The following AHR variants were observed in gnomAD, a reference collection of about 807,000 sequenced individuals.
The protein encoded by AHR is AH-receptor.
AHR carries 40 observed loss-of-function variants against 86.8 expected under a neutral mutation model. The ratio of observed to expected loss-of-function variants is 0.46; its 90% CI spans 0.36 to 0.60. The LOEUF (loss-of-function observed/expected upper bound fraction) is 0.60. Among genes scored for constraint, AHR ranks in the 20% least tolerant of loss-of-function variants. The probability of loss-of-function intolerance (pLI) is 0.00; values close to 1 mark genes in which losing one functional copy is unlikely to be tolerated. For synonymous variants in AHR, 398 were observed against 354.9 expected (o/e 1.12, Z -1.37); for missense variants, 1,001 against 1,011.6 (o/e 0.99, Z 0.14).
chr7:17,332,787 T>G (rs1419818757), intron 6 of AHR, among the ~76,000 whole-genome samples: 1 of 151,834 alleles, frequency 6.6e-6, no homozygotes, highest in Non-Finnish European at 1.5e-5. Context: ...TTTTATAAAT[T>G]CAGCGTAGCC....
intron 1 of AHR, among the ~76,000 whole-genome samples, chr7:17,300,533 G>C (rs713150): frequency 0.78 from 119,133 of 152,102 alleles, 46,931 homozygotes; most frequent in African/African-American, 0.86. Context: ...TTCTTCAGAA[G>C]TATACTTATG....
chr7:17,315,811 T>C (rs915305265), intron 2 of AHR, among the ~76,000 whole-genome samples: 4 of 152,008 alleles, frequency 2.6e-5, no homozygotes, highest in Non-Finnish European at 4.4e-5. Context: ...ATTTGTATAT[T>C]ATTTTTAAAT....
At chr7:17,315,298 AAATT>A in intron 2 of AHR, among the ~76,000 whole-genome samples, 1 of 151,886 alleles carries the variant, frequency 6.6e-6, no homozygotes, top group East Asian at 1.9e-4. Flanking sequence ...TTATATGAAT[AAATT>A]AATATGATAG....
At chr7:17,334,371 A>C (rs935628491) in intron 7 of AHR, among the ~76,000 whole-genome samples, 2 of 151,934 alleles carry the variant, frequency 1.3e-5, no homozygotes, top group African/African-American at 4.8e-5. Context: ...GATGACATTT[A>C]TGTTGGTTTG....
intron 9 of AHR, among the ~76,000 whole-genome samples, chr7:17,336,969 TA>T (rs966533782): frequency 1.3e-5 from 2 of 152,168 alleles, no homozygotes; most frequent in African/African-American, 4.8e-5. Context: ...TTGCAACTTT[TA>T]AAAAATATAT....
At chr7:17,307,551 A>G (rs1028059825) in intron 1 of AHR, among the ~76,000 whole-genome samples, 1 of 152,150 alleles carries the variant, frequency 6.6e-6, no homozygotes, top group Admixed American at 6.5e-5. Flanking sequence ...GGTAGAATAG[A>G]CAAAAGCGGC....
At chr7:17,334,760 G>A in intron 7 of AHR, 127 bp from the exon 8 acceptor site, 1 of 624,266 alleles carries the variant, frequency 1.6e-6, no homozygotes, top group Non-Finnish European at 2.7e-6. Context: ...ATCTACTTAT[G>A]TGAAATTCTA....
chr7:17,305,683 G>A (rs1324276750), intron 1 of AHR, among the ~76,000 whole-genome samples: 4 of 152,056 alleles, frequency 2.6e-5, no homozygotes, highest in East Asian at 1.9e-4. Flanking sequence ...GTTAAAAAAC[G>A]TCACTTTGAT....
At chr7:17,302,681 C>G (rs1010842169) in intron 1 of AHR, among the ~76,000 whole-genome samples, 1 of 151,624 alleles carries the variant, frequency 6.6e-6, no homozygotes, top group Non-Finnish European at 1.5e-5. Flanking sequence ...ATTGAAAGCA[C>G]TGGATCTAAA....
Position 17,339,002 on chromosome 7 carries a change from G to C in AHR, c.1177G>C (p.Glu393Gln). ...QRPLTDEEGT[E>Q]HLRKRNTKLP... ...CAATTTTAGAGATGAGGAAGGAACA[G>C]AGCATTTACGAAAACGAAATACGAA... Residue 393 changes from glutamate (E) to glutamine (Q), a missense_variant, in exon 10 of 11, where the codon GAG becomes CAG. By Grantham distance (29) the Glu-to-Gln change is conservative. Transcript: ENST00000242057. 9.3e-6 allele frequency: 15 copies of C among 1,613,424 alleles called. No homozygotes were observed. Among genetic ancestry groups the C allele is most frequent in the Non-Finnish European group, 1.2e-5 (14 of 1,179,568 alleles).
intron 6 of AHR, among the ~76,000 whole-genome samples, chr7:17,331,455 T>C (rs1157713762): frequency 6.6e-6 from 1 of 151,938 alleles, no homozygotes; most frequent in African/African-American, 2.4e-5. Context: ...CTTTAGGATA[T>C]AGTAACAAAA....
chr7:17,311,785 T>C (rs1450360124), intron 2 of AHR, among the ~76,000 whole-genome samples: 1 of 152,198 alleles, frequency 6.6e-6, no homozygotes, highest in South Asian at 2.1e-4. Flanking sequence ...TCTGTAAGTA[T>C]GTGTGTATTA....
rs1277296752 is a variant in AHR at position 17,344,044 on chromosome 7, T to C, written c.*980T>C. On this transcript the variant is annotated 3_prime_UTR_variant, in exon 11 of 11. Transcript: ENST00000242057. The stretch of plus-strand genomic sequence containing the variant: ...TAGTTGAATGTTGCAATGTGAAAAA[T>C]CTGCTGTTAACTGCAACCTTGTTTA... The C allele has an allele frequency of 2.6e-5, 4 of 152,618 alleles. No homozygotes were observed. The highest frequency in any genetic ancestry group is 2.9e-5 in the Non-Finnish European group (2 of 68,014). The allele number at this position is 152,618 out of a possible 1,614,324, so 9.5% of individuals were successfully genotyped here. A position where few individuals can be genotyped will look rare whatever the true frequency, so the allele number is the denominator to read the frequency against.
intron 1 of AHR, among the ~76,000 whole-genome samples, chr7:17,301,749 C>T (rs958088532): frequency 7.2e-5 from 11 of 151,842 alleles, no homozygotes; most frequent in African/African-American, 2.7e-4. Flanking sequence ...TCAATTTAAT[C>T]CCACTGAAGT....
chr7:17,332,423 T>C (rs887638710), intron 6 of AHR, among the ~76,000 whole-genome samples: 2 of 151,848 alleles, frequency 1.3e-5, no homozygotes, highest in Non-Finnish European at 2.9e-5. Flanking sequence ...GACAGCTCCA[T>C]GCATGTTATT....
At chr7:17,340,283 G>C in intron 10 of AHR, 55 bp downstream of exon 10, 1 of 1,516,580 alleles carries the variant, frequency 6.6e-7, no homozygotes, top group Non-Finnish European at 8.8e-7. Context: ...TTACCTTATA[G>C]ACATGTTACA....
rs903910826 is a variant in AHR at position 17,322,479 on chromosome 7, T to A, written c.254-22T>A. The A allele has an allele frequency of 6.7e-6, 10 of 1,497,804 alleles. No individual in the cohort carries two copies. The Admixed American group carries it at 8.6e-5, about 13-fold the overall frequency. 92.8% of individuals were successfully genotyped at this position (1,497,804 alleles called of 1,614,324 possible). A position where few individuals can be genotyped will look rare whatever the true frequency, so the allele number is the denominator to read the frequency against. ...TACTCTTGCTTACTTTTAAAATCATTGTTTTTCCTTTTTTTCCATAGTTGC... is the reference window on the plus strand; with the variant it reads ...TACTCTTGCTTACTTTTAAAATCATAGTTTTTCCTTTTTTTCCATAGTTGC... On this transcript the variant is annotated intron_variant, in intron 2 of 10. Transcript: ENST00000242057.
At chr7:17,335,596 C>A (rs929759640) in intron 8 of AHR, 49 bp from the exon 9 acceptor site, 1 of 1,458,014 alleles carries the variant, frequency 6.9e-7, no homozygotes, top group East Asian at 2.5e-5. Flanking sequence ...ATAATCTTTA[C>A]TATATTGATT....
intron 4 of AHR, chr7:17,329,715 A>C: frequency 3.3e-6 from 1 of 302,002 alleles, no homozygotes. Flanking sequence ...TTTGAGCAAG[A>C]GCATTCATGT....
Sources: gnomAD v4.1 joint callset for allele counts (sites outside exome capture counted in the v4.1 genomes callset) on GRCh38, gnomAD v4.1.1 for gene constraint, MANE v1.5 for transcripts, NCBI Gene and HGNC (gene_info 2026-07-23, HGNC 2026-07-21) for gene names.